Variants in NBEAL1 observed in about 807,000 individuals in gnomAD.
NBEAL1 encodes neurobeachin-like protein 1.
In NBEAL1, 273 loss-of-function variants were observed where a neutral mutation model predicts 351.3. The observed-to-expected ratio is 0.78, with a 90% confidence interval of 0.70 to 0.86. The LOEUF is 0.86. Ranked by LOEUF, NBEAL1 falls within the 40% of genes least tolerant of loss-of-function variation. The pLI is 0.00. For synonymous variants in NBEAL1, 1,050 were observed against 1,086.4 expected (o/e 0.97, Z 0.66); for missense variants, 2,961 against 3,201.3 (o/e 0.92, Z 1.81).
At chr2:203,187,367 GTTTTTT>G (rs71034225) in intron 44 of NBEAL1, among the ~76,000 whole-genome samples, 1 of 87,790 alleles carries the variant, frequency 1.1e-5, no homozygotes, top group Non-Finnish European at 2.1e-5. Context: ...TCTTGCAATG[GTTTTTT>G]TTTTTTTTTT....
chr2:203,083,401 G>A lies in NBEAL1; in HGVS notation c.867G>A (p.Val289=), dbSNP rs2061906989. 1.3e-6 allele frequency: 2 copies of A among 1,555,218 alleles called. No individual in the cohort carries two copies. Among genetic ancestry groups the A allele is most frequent in the Non-Finnish European group, 1.7e-6 (2 of 1,147,938 alleles). Residue 289 remains valine, a synonymous_variant, in exon 9 of 56, where the codon GTG becomes GTA. Coordinates refer to ENST00000683969, the MANE Select transcript of NBEAL1 (RefSeq NM_001378026.1). ...LLSSNSDQRQ[V]ETSTILENYF... is the part of the protein sequence containing the mutation. The stretch of plus-strand genomic sequence containing the variant: ...GTAGCAACTCTGATCAGCGTCAAGT[G>A]GAAACCAGTACTATTCTGGAGAACT...
intron 49 of NBEAL1, among the ~76,000 whole-genome samples, chr2:203,200,462 G>A (rs532574776): frequency 1.8e-4 from 28 of 152,224 alleles, no homozygotes; most frequent in African/African-American, 4.1e-4. Flanking sequence ...GCAGTGAGCC[G>A]AGATAACGCC....
intron 40 of NBEAL1, among the ~76,000 whole-genome samples, chr2:203,172,321 G>A (rs2064346560): frequency 6.6e-6 from 1 of 152,120 alleles, no homozygotes; most frequent in African/African-American, 2.4e-5. Flanking sequence ...AGGAGTTTGA[G>A]ACGAGCCTAG....
At chr2:203,025,511 G>T (rs1312937616) in intron 2 of NBEAL1, among the ~76,000 whole-genome samples, 1 of 151,940 alleles carries the variant, frequency 6.6e-6, no homozygotes, top group Non-Finnish European at 1.5e-5. Flanking sequence ...TGCAAGTTTT[G>T]TTACAAGCAA....
intron 10 of NBEAL1, among the ~76,000 whole-genome samples, chr2:203,093,469 G>A (rs1218656890): frequency 2.6e-5 from 4 of 152,030 alleles, no homozygotes; most frequent in Non-Finnish European, 2.9e-5. Flanking sequence ...ATTTACATCC[G>A]GAATCATGAC....
chr2:203,029,787 A>T (rs1047167830), intron 2 of NBEAL1, among the ~76,000 whole-genome samples: 1 of 152,058 alleles, frequency 6.6e-6, no homozygotes, highest in Non-Finnish European at 1.5e-5. Context: ...TTTTGTATAT[A>T]TACACCTCTA....
rs1553493726 is a variant in NBEAL1 at position 203,162,851 on chromosome 2, A to AAT, written c.5715-3288_5715-3287dup. Among the ~76,000 whole-genome samples, 6 of 151,886 alleles carry AAT rather than the reference A, an allele frequency of 4.0e-5. No individual in the cohort carries two copies. In the East Asian group the frequency reaches 7.8e-4, roughly 20 times the overall value. On this transcript the variant is annotated intron_variant, in intron 36 of 55. Coordinates refer to ENST00000683969, the MANE Select transcript of NBEAL1 (RefSeq NM_001378026.1). ...AGAGCAGTGACCAAGTCTCACAAAA[A>AAT]ATATATATATAGTCTTCCTCAGCCA...
intron 33 of NBEAL1, among the ~76,000 whole-genome samples, chr2:203,147,070 C>T (rs1218362090): frequency 6.6e-6 from 1 of 151,932 alleles, no homozygotes; most frequent in Non-Finnish European, 1.5e-5. Flanking sequence ...TATTCAGAGG[C>T]GAAAACCTGA....
intron 31 of NBEAL1, 40 bp downstream of exon 31, chr2:203,138,788 C>T: frequency 6.4e-7 from 1 of 1,569,286 alleles, no homozygotes; most frequent in South Asian, 1.2e-5. Flanking sequence ...TGCTTGCATG[C>T]AGCATAGGTA....
intron 18 of NBEAL1, among the ~76,000 whole-genome samples, chr2:203,120,519 G>T (rs2062805986): frequency 6.6e-6 from 1 of 152,126 alleles, no homozygotes; most frequent in Non-Finnish European, 1.5e-5. Context: ...GTTGAGCAGG[G>T]ATGCATGGTA....
chr2:203,074,524 C>T (rs887452438), intron 7 of NBEAL1, among the ~76,000 whole-genome samples: 3 of 151,818 alleles, frequency 2.0e-5, no homozygotes, highest in Admixed American at 6.6e-5. Flanking sequence ...TATGGGGTTT[C>T]GCCACGTTGA....
intron 2 of NBEAL1, among the ~76,000 whole-genome samples, chr2:203,017,651 C>T (rs1420467794): frequency 6.6e-6 from 1 of 151,950 alleles, no homozygotes; most frequent in Non-Finnish European, 1.5e-5. Flanking sequence ...TTTAAAAATA[C>T]ATCAAACTTA....
chr2:203,202,680 C>A lies in NBEAL1; in HGVS notation c.7412-7C>A, dbSNP rs114462380. The A allele has an allele frequency of 1.7e-3, 2,617 of 1,524,894 alleles. 36 individuals carry two copies. In the African/African-American group the frequency reaches 0.032, roughly 18 times the overall value. 94.5% of individuals were successfully genotyped at this position (1,524,894 alleles called of 1,614,324 possible). A position where few individuals can be genotyped will look rare whatever the true frequency, so the allele number is the denominator to read the frequency against. ...CATCTCATTTTATTTAATTCCTTTTCTTACAGATATTGTGACTTGCTTAGC... is the reference window on the plus strand; with the variant it reads ...CATCTCATTTTATTTAATTCCTTTTATTACAGATATTGTGACTTGCTTAGC... On this transcript the variant is annotated splice_region_variant and splice_polypyrimidine_tract_variant and intron_variant, in intron 50 of 55. Coordinates refer to ENST00000683969, the MANE Select transcript of NBEAL1 (RefSeq NM_001378026.1).
intron 24 of NBEAL1, 92 bp from the exon 25 acceptor site, chr2:203,130,226 G>A: frequency 1.7e-6 from 2 of 1,188,906 alleles, no homozygotes; most frequent in African/African-American, 1.6e-5. Context: ...CATTATATAG[G>A]ATTTAATTAA....
chr2:203,154,858 C>G (rs2063755767), intron 35 of NBEAL1, among the ~76,000 whole-genome samples: 1 of 150,418 alleles, frequency 6.6e-6, no homozygotes, highest in South Asian at 2.1e-4. Context: ...TTGCTTGAAC[C>G]CAGGAGGTCG....
chr2:203,027,321 C>A (rs2060874685), intron 2 of NBEAL1, among the ~76,000 whole-genome samples: 1 of 151,914 alleles, frequency 6.6e-6, no homozygotes, highest in Non-Finnish European at 1.5e-5. Flanking sequence ...TTATACAGAC[C>A]CTGCTGTCTT....
At chr2:203,139,212 G>A (rs1332783576) in intron 31 of NBEAL1, among the ~76,000 whole-genome samples, 1 of 151,324 alleles carries the variant, frequency 6.6e-6, no homozygotes, top group Non-Finnish European at 1.5e-5. Context: ...AAAGTACTAA[G>A]CATTGTGCTA....
chr2:203,171,924 C>A lies in NBEAL1; in HGVS notation c.6103-4C>A. 3.2e-6 allele frequency: 5 copies of A among 1,558,578 alleles called. No homozygotes were observed. In the South Asian group the frequency reaches 4.7e-5, roughly 15 times the overall value. ...TTGATATTGCTCTTTTTTGTGCTGT[C>A]TAGAAATGGGTAAACAGAGAGATAT... On this transcript the variant is annotated splice_polypyrimidine_tract_variant and splice_region_variant and intron_variant, in intron 39 of 55. Transcript: ENST00000683969.
rs2063832371 is a variant in NBEAL1, at chr2:203,157,679, A to G, written c.5588-20A>G. 6.5e-7 allele frequency: 1 copy of G among 1,548,696 alleles called. No homozygotes were observed. The highest frequency in any genetic ancestry group is 8.7e-7 in the Non-Finnish European group (1 of 1,153,164). ...TTGTTTTTTACTTTATGTTTAATAG[A>G]TATTTTGTGTTTAAAACAGGTATCC... On this transcript the variant is annotated intron_variant, in intron 35 of 55. Coordinates refer to ENST00000683969, the MANE Select transcript of NBEAL1 (RefSeq NM_001378026.1).
Sources: gnomAD v4.1 joint callset for allele counts (sites outside exome capture counted in the v4.1 genomes callset) on GRCh38, gnomAD v4.1.1 for gene constraint, MANE v1.5 for transcripts, NCBI Gene and HGNC (gene_info 2026-07-23, HGNC 2026-07-21) for gene names.